The following AIG1 variants were observed in gnomAD, a reference collection of about 807,000 sequenced individuals.
AIG1 encodes the protein androgen-induced gene 1 protein.
A neutral mutation model predicts 31.4 loss-of-function variants in AIG1; 23 were observed. That is an observed-to-expected ratio of 0.73 (90% CI 0.53 to 1.04). AIG1 has a LOEUF of 1.04. Ranked by LOEUF, AIG1 falls within the 50% of genes least tolerant of loss-of-function variation. The pLI, the probability that AIG1 is intolerant of heterozygous loss-of-function variation, is 0.00. For missense variants in AIG1, 274 were observed against 295.0 expected (o/e 0.93, Z 0.52); for synonymous variants, 100 against 110.5 (o/e 0.90, Z 0.60).
chr6:143,086,717 C>T (rs1039026749), intron 1 of AIG1, among the ~76,000 whole-genome samples: 9 of 152,078 alleles, frequency 5.9e-5, no homozygotes, highest in Non-Finnish European at 8.8e-5. Context: ...AGCATTAGTA[C>T]CTAGGAGGCA....
rs141015898 is a variant in AIG1 at position 143,328,240 on chromosome 6, T to G, written c.516-5042T>G. Among the ~76,000 whole-genome samples, 710 of 152,270 alleles carry G rather than the reference T, an allele frequency of 4.7e-3. 3 individuals carry two copies. Among genetic ancestry groups the G allele is most frequent in the Middle Eastern group, 0.01 (3 of 294 alleles). On this transcript the variant is annotated intron_variant, in intron 4 of 5. Coordinates refer to ENST00000357847, the MANE Select transcript of AIG1 (RefSeq NM_016108.4). The surrounding 1 kb of genome is among the most constrained non-coding windows in gnomAD (Gnocchi z 4.0). ...CTGCTGTGGGTGAAAGTGAGTACAA[T>G]GTACAGATATGGTGTCAGTGAATCT...
At chr6:143,158,573 G>A (rs1005761421) in intron 2 of AIG1, among the ~76,000 whole-genome samples, 3 of 152,168 alleles carry the variant, frequency 2.0e-5, no homozygotes, top group Non-Finnish European at 4.4e-5. Context: ...GTTGACTTAA[G>A]GAAAGAGAGC....
intron 2 of AIG1, among the ~76,000 whole-genome samples, chr6:143,146,221 C>T (rs1784693672): frequency 6.6e-6 from 1 of 152,026 alleles, no homozygotes; most frequent in Non-Finnish European, 1.5e-5. Context: ...ACAGAAATAT[C>T]TCACAAAATG....
intron 1 of AIG1, among the ~76,000 whole-genome samples, chr6:143,087,967 G>C (rs1778956951): frequency 6.6e-6 from 1 of 152,126 alleles, no homozygotes; most frequent in African/African-American, 2.4e-5. Context: ...AGCTGTCTTT[G>C]GCTTGATGTT....
intron 3 of AIG1, among the ~76,000 whole-genome samples, chr6:143,249,912 G>A (rs889153070): frequency 6.6e-6 from 1 of 152,232 alleles, no homozygotes; most frequent in African/African-American, 2.4e-5. Flanking sequence ...GCCTGCAGAA[G>A]GCTGTCTTTG....
At chr6:143,309,072 T>C (rs1434738843) in intron 4 of AIG1, among the ~76,000 whole-genome samples, 5 of 152,008 alleles carry the variant, frequency 3.3e-5, no homozygotes, top group Non-Finnish European at 7.4e-5. Context: ...AGGATAAGAA[T>C]TATAATATAC....
At chr6:143,282,871 G>A (rs1033751420) in intron 3 of AIG1, among the ~76,000 whole-genome samples, 1 of 152,154 alleles carries the variant, frequency 6.6e-6, no homozygotes, top group African/African-American at 2.4e-5. Context: ...GTTCTATTTT[G>A]CTAGAATGCT....
chr6:143,153,779 G>A (rs960352026), intron 2 of AIG1, among the ~76,000 whole-genome samples: 9 of 152,192 alleles, frequency 5.9e-5, no homozygotes, highest in East Asian at 5.8e-4. Context: ...TTTGCCTTTA[G>A]TTTCTTCTAG....
intron 3 of AIG1, among the ~76,000 whole-genome samples, chr6:143,254,967 G>A (rs1199674969): frequency 1.3e-5 from 2 of 152,146 alleles, no homozygotes; most frequent in Non-Finnish European, 2.9e-5. Context: ...AGCCCCAGGA[G>A]GTTAAGGCTG....
At chr6:143,125,802 C>T (rs1782639670) in intron 1 of AIG1, among the ~76,000 whole-genome samples, 1 of 152,230 alleles carries the variant, frequency 6.6e-6, no homozygotes, top group African/African-American at 2.4e-5. Flanking sequence ...GACAAGCTTT[C>T]ATTCCCAAAG....
intron 3 of AIG1, among the ~76,000 whole-genome samples, chr6:143,278,493 G>C (rs1363110700): frequency 7.6e-6 from 1 of 131,868 alleles, no homozygotes; most frequent in Non-Finnish European, 1.6e-5. Context: ...TTTTGAGACT[G>C]AGTCTCGCTC....
At chr6:143,286,908 TTC>T (rs1438127609) in intron 4 of AIG1, among the ~76,000 whole-genome samples, 1 of 151,676 alleles carries the variant, frequency 6.6e-6, no homozygotes, top group Non-Finnish European at 1.5e-5. Context: ...TACCTGGACT[TTC>T]CCCACTGACT....
chr6:143,233,586 AAAAAAG>A (rs1282083905), intron 3 of AIG1, among the ~76,000 whole-genome samples: 5 of 151,222 alleles, frequency 3.3e-5, no homozygotes, highest in East Asian at 3.9e-4. Context: ...GACCAAAAAA[AAAAAAG>A]AAAAGAAAAG....
intron 3 of AIG1, among the ~76,000 whole-genome samples, chr6:143,267,418 G>A (rs111807194): frequency 4.7e-4 from 71 of 152,100 alleles, no homozygotes; most frequent in African/African-American, 1.4e-3. Context: ...GCCTATCCTC[G>A]TATAGCACAG....
rs928148536 is a variant in AIG1 at position 143,279,027 on chromosome 6, G to A, written c.400-5083G>A. Among the ~76,000 whole-genome samples the A allele has an allele frequency of 1.3e-5, 2 of 152,174 alleles. No individual in the cohort carries two copies. The highest frequency in any genetic ancestry group is 6.5e-5 in the Admixed American group (1 of 15,298). On this transcript the variant is annotated intron_variant, in intron 3 of 5. Coordinates refer to ENST00000357847, the MANE Select transcript of AIG1 (RefSeq NM_016108.4). This position sits in a 1 kb window ranked among gnomAD's most constrained non-coding sequence, Gnocchi z 5.4. ...AAAAAAATCAAGTAGCATGAACGGG[G>A]CCACAGTATGGCTTTTGTAGATTTT...
chr6:143,220,004 T>A (rs901079468), intron 3 of AIG1, among the ~76,000 whole-genome samples: 1 of 152,134 alleles, frequency 6.6e-6, no homozygotes, highest in African/African-American at 2.4e-5. Context: ...GTGCTGCAGA[T>A]CCTCCCACCT....
intron 1 of AIG1, among the ~76,000 whole-genome samples, chr6:143,074,034 A>G (rs1469576296): frequency 1.3e-5 from 2 of 152,162 alleles, no homozygotes; most frequent in East Asian, 1.9e-4. Flanking sequence ...GGTGATTTTT[A>G]TGTCTTATTT....
At position 143,063,331 on chromosome 6, in the gene AIG1, A is replaced by G. The variant is rs531718419; in HGVS notation, c.141+2265A>G. Among the ~76,000 whole-genome samples, 19 of 152,370 alleles carry G rather than the reference A, an allele frequency of 1.2e-4. No individual in the cohort carries two copies. The East Asian group carries it at 3.7e-3, about 29-fold the overall frequency. On this transcript the variant is annotated intron_variant, in intron 1 of 5. Coordinates refer to ENST00000357847, the MANE Select transcript of AIG1 (RefSeq NM_016108.4). ...CTTCATATTTAGCTTCAGATTGTAT[A>G]GGACCTTTAGCCAGCGTTGTAATTT... is the stretch of plus-strand genomic sequence containing the variant.
intron 1 of AIG1, among the ~76,000 whole-genome samples, chr6:143,063,806 C>G (rs1414398901): frequency 6.6e-6 from 1 of 152,202 alleles, no homozygotes; most frequent in Admixed American, 6.5e-5. Flanking sequence ...TTACCAGGAT[C>G]TGAGTCAGGA....
Sources: allele counts gnomAD v4.1 joint callset (sites outside exome capture counted in the v4.1 genomes callset), GRCh38; gene constraint gnomAD v4.1.1; non-coding constraint Gnocchi (gnomAD v3.1); transcripts MANE v1.5; gene names NCBI Gene and HGNC (gene_info 2026-07-23, HGNC 2026-07-21).